ANKMY2: variants seen among roughly 807,000 people sequenced by gnomAD.
The protein encoded by ANKMY2 is ankyrin repeat and MYND domain containing 2.
A neutral mutation model predicts 50.4 loss-of-function variants in ANKMY2; 36 were observed. The observed-to-expected ratio is 0.71, with a 90% CI of 0.55 to 0.94. The LOEUF (loss-of-function observed/expected upper bound fraction) is 0.94. Ranked by LOEUF, ANKMY2 falls within the 40% of genes least tolerant of loss-of-function variation. ANKMY2 has a pLI of 0.00. For missense variants in ANKMY2, 565 were observed against 524.0 expected (o/e 1.08, Z -0.76); for synonymous variants, 187 against 178.8 (o/e 1.05, Z -0.36).
intron 4 of ANKMY2, among the ~76,000 whole-genome samples, chr7:16,616,469 G>C (rs1045874672): frequency 1.3e-5 from 2 of 151,590 alleles, no homozygotes; most frequent in Non-Finnish European, 2.9e-5. Context: ...GCTTTGCATA[G>C]AATTCCAAGC....
chr7:16,607,099 T>A (rs1270716815), intron 7 of ANKMY2, among the ~76,000 whole-genome samples: 1 of 152,222 alleles, frequency 6.6e-6, no homozygotes, highest in African/African-American at 2.4e-5. Flanking sequence ...AAACAATGGC[T>A]GTGATACGCA....
chr7:16,627,305 T>C (rs1363113035), intron 2 of ANKMY2, 127 bp from the exon 3 acceptor site: 2 of 552,024 alleles, frequency 3.6e-6, no homozygotes, highest in East Asian at 6.7e-5. Flanking sequence ...TAATATGTAT[T>C]TTTATATTTG....
intron 4 of ANKMY2, among the ~76,000 whole-genome samples, chr7:16,624,399 A>G (rs1781482057): frequency 2.0e-5 from 3 of 152,226 alleles, no homozygotes; most frequent in Non-Finnish European, 2.9e-5. Context: ...TTGGGCACAC[A>G]AAATAAACGT....
chr7:16,633,680 T>C lies in ANKMY2; in HGVS notation c.132+2711A>G, dbSNP rs566400602. On this transcript the variant is annotated intron_variant, in intron 2 of 9. Transcript: ENST00000306999. The stretch of plus-strand genomic sequence containing the variant: ...CAATTTCCGTTATAAAATAGTATAA[T>C]ACATGGATTAATTTTTATCAATGTT... 1.2e-4 allele frequency among the ~76,000 whole-genome samples: 18 copies of C among 152,342 alleles called. 1 individual carries two copies. The South Asian group carries it at 3.5e-3, about 30-fold the overall frequency.
intron 4 of ANKMY2, among the ~76,000 whole-genome samples, chr7:16,617,567 T>C (rs2128343463): frequency 6.6e-6 from 1 of 152,296 alleles, no homozygotes; most frequent in Middle Eastern, 3.4e-3. Flanking sequence ...TCAATTATAA[T>C]ATATAAATAG....
chr7:16,603,741 A>G, intron 8 of ANKMY2: 1 of 470,398 alleles, frequency 2.1e-6, no homozygotes, highest in Non-Finnish European at 4.4e-6. Flanking sequence ...GGCAATTTCA[A>G]GGCTAGTCCT....
intron 2 of ANKMY2, among the ~76,000 whole-genome samples, chr7:16,633,931 G>C (rs1228689868): frequency 6.6e-6 from 1 of 151,872 alleles, no homozygotes; most frequent in Non-Finnish European, 1.5e-5. Context: ...AAGGCTTAAG[G>C]CTATTATGTT....
intron 8 of ANKMY2, among the ~76,000 whole-genome samples, chr7:16,604,412 C>T (rs929852393): frequency 6.6e-6 from 1 of 151,600 alleles, no homozygotes; most frequent in African/African-American, 2.4e-5. Context: ...CAGCCTTGGT[C>T]TCGTGCCCCA....
chr7:16,603,774 C>T (rs112327274), intron 8 of ANKMY2: 56 of 462,474 alleles, frequency 1.2e-4, no homozygotes, highest in African/African-American at 9.2e-4. Flanking sequence ...TGTGTTTCTA[C>T]CTGCCCATGT....
chr7:16,619,864 T>A (rs1781409019), intron 4 of ANKMY2, among the ~76,000 whole-genome samples: 1 of 152,152 alleles, frequency 6.6e-6, no homozygotes, highest in Non-Finnish European at 1.5e-5. Context: ...CTTTTCAAAT[T>A]TTTTACTTTC....
Position 16,645,652 on chromosome 7 carries a change from A to T in ANKMY2, c.-79T>A. 2.0e-6 allele frequency: 3 copies of T among 1,480,652 alleles called. No homozygotes were observed. The South Asian group carries it at 3.8e-5, about 19-fold the overall frequency. The allele number at this position is 1,480,652 out of a possible 1,614,324, so 91.7% of individuals were successfully genotyped here. ...ACGATGCGTCTGTATTGGGAACGCC[A>T]GCCGCAATGAGGCAACTTGAGACCA... On this transcript the variant is annotated 5_prime_UTR_variant, in exon 1 of 10. Transcript: ENST00000306999.
intron 5 of ANKMY2, among the ~76,000 whole-genome samples, chr7:16,611,141 T>G (rs1350174863): frequency 6.6e-6 from 1 of 152,222 alleles, no homozygotes; most frequent in Non-Finnish European, 1.5e-5. Flanking sequence ...AATAACCACT[T>G]TTAGTTAACA....
At chr7:16,611,998 A>G (rs1781262952) in intron 5 of ANKMY2, among the ~76,000 whole-genome samples, 1 of 151,896 alleles carries the variant, frequency 6.6e-6, no homozygotes, top group South Asian at 2.1e-4. Flanking sequence ...ATTTTACTCC[A>G]CTCACTCTCC....
intron 8 of ANKMY2, 116 bp downstream of exon 8, chr7:16,604,605 G>T: frequency 1.5e-6 from 2 of 1,328,988 alleles, no homozygotes; most frequent in South Asian, 1.6e-5. Flanking sequence ...GAATATTTTC[G>T]TTACTAGAAT....
Position 16,610,737 on chromosome 7 carries a change from A to G in ANKMY2, c.558T>C (p.Pro186=), listed in dbSNP as rs1273984585. ...VKIVMLVNEN[P]LLTEEAALNK... is the part of the protein sequence containing the mutation. ...TCAGGGCTGCTTCTTCTGTCAGCAG[A>G]GGATTCTCATTTACAAGCATCACGA... Residue 186 remains proline, a synonymous_variant, in exon 6 of 10, where the codon CCT becomes CCC. Coordinates refer to ENST00000306999, the MANE Select transcript of ANKMY2 (RefSeq NM_020319.3). The G allele has an allele frequency of 6.2e-7, 1 of 1,613,782 alleles. No individual in the cohort carries two copies. The highest frequency in any genetic ancestry group is 1.3e-5 in the African/African-American group (1 of 74,926).
chr7:16,625,892 A>G (rs1303907444), intron 3 of ANKMY2, among the ~76,000 whole-genome samples: 1 of 150,080 alleles, frequency 6.7e-6, no homozygotes, highest in Non-Finnish European at 1.5e-5. Flanking sequence ...AATGTTTTAT[A>G]TTTTGATCAG....
At chr7:16,607,716 G>C (rs1385920984) in intron 7 of ANKMY2, among the ~76,000 whole-genome samples, 1 of 98,632 alleles carries the variant, frequency 1.0e-5, no homozygotes, top group Non-Finnish European at 2.1e-5. Context: ...TGCTGTTTTA[G>C]TTTTTCTGTT....
chr7:16,601,012 A>C, intron 9 of ANKMY2, 67 bp from the exon 10 acceptor site: 3 of 1,266,220 alleles, frequency 2.4e-6, no homozygotes, highest in Non-Finnish European at 3.2e-6. Flanking sequence ...AATGCTTTAC[A>C]TGTATTATTT....
chr7:16,606,066 C>T (rs1781155619), intron 7 of ANKMY2, among the ~76,000 whole-genome samples: 1 of 152,174 alleles, frequency 6.6e-6, no homozygotes, highest in Admixed American at 6.5e-5. Flanking sequence ...GTTCGCCCGC[C>T]TTGGCTTCCC....
Sources: allele counts gnomAD v4.1 joint callset (sites outside exome capture counted in the v4.1 genomes callset), GRCh38; gene constraint gnomAD v4.1.1; transcripts MANE v1.5; gene names NCBI Gene and HGNC (gene_info 2026-07-23, HGNC 2026-07-21).